SV2C: variants seen among roughly 807,000 people sequenced by gnomAD.
The protein encoded by SV2C is solute carrier family 22 member B3.
Under a neutral mutation model 79.7 loss-of-function variants are expected in SV2C, and 49 were observed. The ratio of observed to expected loss-of-function variants is 0.61; its 90% CI spans 0.49 to 0.78. The LOEUF (loss-of-function observed/expected upper bound fraction) is 0.78, where lower values mean the gene tolerates loss of function less well. Among genes scored for constraint, SV2C ranks in the 30% least tolerant of loss-of-function variants. The pLI, the probability that SV2C is intolerant of heterozygous loss-of-function variation, is 0.00. For synonymous variants in SV2C, 334 were observed against 333.2 expected (o/e 1.00, Z -0.03); for missense variants, 833 against 912.9 (o/e 0.91, Z 1.13).
intron 6 of SV2C, among the ~76,000 whole-genome samples, chr5:76,288,704 G>A (rs1747437737): frequency 6.6e-6 from 1 of 152,158 alleles, no homozygotes. Flanking sequence ...TTACATGAAG[G>A]TTAGAGGAGA....
chr5:76,337,848 A>T (rs987186747), downstream of SV2C, among the ~76,000 whole-genome samples: 2 of 144,466 alleles, frequency 1.4e-5, no homozygotes, highest in Non-Finnish European at 2.9e-5. Context: ...ACAGTAATTT[A>T]AAAAAAAACT....
At position 76,298,845 on chromosome 5, in the gene SV2C, G is replaced by A; in HGVS notation, c.1554G>A (p.Lys518=). The A allele has an allele frequency of 6.2e-7, 1 of 1,613,962 alleles. No homozygotes were observed. Among genetic ancestry groups the A allele is most frequent in the Non-Finnish European group, 8.5e-7 (1 of 1,179,872 alleles). The change falls in exon 10 of 13, where the codon AAG becomes AAA. Residue 518 remains lysine, a synonymous_variant. Coordinates refer to ENST00000502798, the MANE Select transcript of SV2C (RefSeq NM_014979.4). ...KSVTFKDSVF[K]SCTFEDVTSV... ...TAACTTTCAAAGACTCTGTTTTTAA[G>A]TCCTGCACCTTTGAGGATGTAACTT...
the SV2C span, among the ~76,000 whole-genome samples, chr5:75,858,717 A>G: frequency 6.6e-6 from 1 of 152,212 alleles, no homozygotes; most frequent in Non-Finnish European, 1.5e-5. Flanking sequence ...TTCAGAAGTG[A>G]AACCATTGGG....
At chr5:76,064,740 A>G in the SV2C span, among the ~76,000 whole-genome samples, 4 of 152,160 alleles carry the variant, frequency 2.6e-5, no homozygotes, top group Admixed American at 2.6e-4. Context: ...GATGGTCAGA[A>G]GGTTAAGGTC....
the SV2C span, among the ~76,000 whole-genome samples, chr5:75,899,226 A>G: frequency 6.6e-6 from 1 of 152,150 alleles, no homozygotes; most frequent in Non-Finnish European, 1.5e-5. Flanking sequence ...ATTTCCCTCT[A>G]CACACTGCTT....
At chr5:75,994,158 A>T in the SV2C span, among the ~76,000 whole-genome samples, 13 of 152,074 alleles carry the variant, frequency 8.5e-5, no homozygotes, top group Non-Finnish European at 1.6e-4. Context: ...AGAGTTTGCA[A>T]TGGTACACAT....
chr5:76,053,563 A>C, the SV2C span, among the ~76,000 whole-genome samples: 1 of 152,184 alleles, frequency 6.6e-6, no homozygotes, highest in Non-Finnish European at 1.5e-5. Context: ...TGATACTATG[A>C]TGGCTTTCTC....
At chr5:76,207,771 C>T (rs926175863) in intron 3 of SV2C, among the ~76,000 whole-genome samples, 2 of 152,084 alleles carry the variant, frequency 1.3e-5, no homozygotes, top group African/African-American at 4.8e-5. Flanking sequence ...TTGTAGACAG[C>T]CTGGTGGAGT....
At chr5:75,938,618 C>T in the SV2C span, among the ~76,000 whole-genome samples, 1 of 152,120 alleles carries the variant, frequency 6.6e-6, no homozygotes, top group African/African-American at 2.4e-5. Flanking sequence ...GGTACCAGAG[C>T]TCAGGGCAGT....
rs201480976 is a variant in SV2C, at chr5:76,303,647, A to AAAAG, written c.2000+2104_2000+2107dup. 4.9e-3 allele frequency among the ~76,000 whole-genome samples: 744 copies of AAAAG among 152,320 alleles called. 9 individuals are homozygous for AAAAG. Among genetic ancestry groups the AAAAG allele is most frequent in the African/African-American group, 0.017 (708 of 41,552 alleles). ...TAGGACAAAAATCTGGCTTAAAAAA[A>AAAAG]AAAGACCCTCATAAATTGAAATTGG... On this transcript the variant is annotated intron_variant, in intron 12 of 12. Transcript: ENST00000502798.
At chr5:75,853,357 C>A in the SV2C span, among the ~76,000 whole-genome samples, 1 of 151,550 alleles carries the variant, frequency 6.6e-6, no homozygotes, top group African/African-American at 2.4e-5. Flanking sequence ...GAGATCGAGA[C>A]CATCCTGGCT....
the SV2C span, among the ~76,000 whole-genome samples, chr5:76,034,284 T>G: frequency 2.0e-4 from 30 of 152,164 alleles, no homozygotes; most frequent in Admixed American, 9.2e-4. Flanking sequence ...TCCAACACTA[T>G]GTTGAATAGG....
chr5:75,895,990 A>T, the SV2C span, among the ~76,000 whole-genome samples: 1 of 152,162 alleles, frequency 6.6e-6, no homozygotes, highest in Non-Finnish European at 1.5e-5. Context: ...ACACACATAC[A>T]AAATGCACAT....
intron 4 of SV2C, among the ~76,000 whole-genome samples, chr5:76,264,344 C>G (rs1423539920): frequency 6.6e-6 from 1 of 151,770 alleles, no homozygotes; most frequent in Non-Finnish European, 1.5e-5. Flanking sequence ...AACCTTTTTT[C>G]AAAGTTCTTA....
chr5:75,961,346 T>A, the SV2C span, among the ~76,000 whole-genome samples: 1 of 152,050 alleles, frequency 6.6e-6, no homozygotes, highest in Admixed American at 6.6e-5. Context: ...TTTTCTTGCC[T>A]TTATTTTAGC....
upstream of SV2C, chr5:76,079,626 A>T (rs1425410384): frequency 2.9e-6 from 1 of 345,832 alleles, no homozygotes; most frequent in Non-Finnish European, 5.7e-6. Context: ...AACTGTGTCA[A>T]TCTGACAGAA....
the SV2C span, among the ~76,000 whole-genome samples, chr5:76,064,926 G>A: frequency 1.7e-3 from 260 of 152,256 alleles, 6 homozygotes; most frequent in East Asian, 0.049. Flanking sequence ...CTATTTTCCT[G>A]TCTTCCTTTT....
intron 12 of SV2C, among the ~76,000 whole-genome samples, chr5:76,324,465 C>A (rs564597840): frequency 1.2e-3 from 190 of 152,260 alleles, no homozygotes; most frequent in Non-Finnish European, 2.2e-3. Flanking sequence ...CAGAGGTGAC[C>A]TGCCTCTCTC....
upstream of SV2C, among the ~76,000 whole-genome samples, chr5:76,082,607 C>CCT (rs529102891): frequency 3.8e-3 from 545 of 145,078 alleles, 5 homozygotes; most frequent in African/African-American, 0.013. Context: ...TCCTCCTCCT[C>CCT]CTCTCTCTCT....
Sources: allele counts gnomAD v4.1 joint callset (sites outside exome capture counted in the v4.1 genomes callset), GRCh38; gene constraint gnomAD v4.1.1; transcripts MANE v1.5; gene names NCBI Gene and HGNC (gene_info 2026-07-23, HGNC 2026-07-21).